OSBPL3: variants seen among roughly 807,000 people sequenced by gnomAD.
OSBPL3 encodes the protein oxysterol binding protein like 3, also known as oxysterol-binding protein-related protein 3.
OSBPL3 carries 65 observed loss-of-function variants against 120.1 expected under a neutral mutation model. That is an observed-to-expected ratio of 0.54 (90% CI 0.44 to 0.67). The LOEUF (loss-of-function observed/expected upper bound fraction) is 0.67. Among genes scored for constraint, OSBPL3 ranks in the 30% least tolerant of loss-of-function variants. The pLI is 0.00. For synonymous variants in OSBPL3, 416 were observed against 402.6 expected (o/e 1.03, Z -0.40); for missense variants, 1,004 against 1,082.1 (o/e 0.93, Z 1.01).
In OSBPL3 at chr7:24,892,371, CTT is replaced by C; in HGVS notation, c.96+4_96+5del. The C allele has an allele frequency of 1.2e-6, 2 of 1,612,688 alleles. No individual in the cohort carries two copies. Among genetic ancestry groups the C allele is most frequent in the Non-Finnish European group, 1.7e-6 (2 of 1,178,924 alleles). On this transcript the variant is annotated splice_donor_5th_base_variant and intron_variant, in intron 2 of 22. Coordinates refer to ENST00000313367, the MANE Select transcript of OSBPL3 (RefSeq NM_015550.4). ...CATATTAAAATTTGCATGAGTTAAA[CTT>C]TACCTGTCGACTTCCTTGCTTGGAA... is the stretch of plus-strand genomic sequence containing the variant.
At chr7:24,886,407 C>T (rs986241015) in intron 2 of OSBPL3, among the ~76,000 whole-genome samples, 1 of 152,200 alleles carries the variant, frequency 6.6e-6, no homozygotes, top group African/African-American at 2.4e-5. Flanking sequence ...CCATCATTTG[C>T]CAGAATAAAA....
At position 24,960,132 on chromosome 7, in the gene OSBPL3, A is replaced by C. The variant is rs115723875; in HGVS notation, c.-150+19754T>G. Among the ~76,000 whole-genome samples the C allele has an allele frequency of 1.1e-3, 165 of 152,282 alleles. 1 individual carries two copies. Among genetic ancestry groups the C allele is most frequent in the African/African-American group, 3.6e-3 (150 of 41,572 alleles). ...TGCCTCAGCACCCAGCTTCCCTCCCAATATTATTTTATAACACTGCACAAC... is the reference window on the plus strand; with the variant it reads ...TGCCTCAGCACCCAGCTTCCCTCCCCATATTATTTTATAACACTGCACAAC... On this transcript the variant is annotated intron_variant, in intron 1 of 22. Coordinates refer to ENST00000313367, the MANE Select transcript of OSBPL3 (RefSeq NM_015550.4).
rs974006651 is a variant in OSBPL3, at chr7:24,898,966, G to A, written c.-149-6345C>T. ...ATAATGACTCACTATAATTTCATGC[G>A]CTGCTCCTAGATTTGCCCTTGGTAA... On this transcript the variant is annotated intron_variant, in intron 1 of 22. Transcript: ENST00000313367. This position sits in a 1 kb window ranked among gnomAD's most constrained non-coding sequence, Gnocchi z 4.3. Among the ~76,000 whole-genome samples, 1 of 152,028 alleles carries A rather than the reference G, an allele frequency of 6.6e-6. No individual in the cohort carries two copies.
rs79856291 is a variant in OSBPL3 at position 24,966,495 on chromosome 7, G to A, written c.-150+13391C>T. 0.032 allele frequency among the ~76,000 whole-genome samples: 4,825 copies of A among 152,256 alleles called. 131 individuals carry two copies. The highest frequency in any genetic ancestry group is 0.051 in the Non-Finnish European group (3,478 of 67,996). ...GCTGGAATGTTATTTTGCCCCACGCGATCAAAGACTAGAAAAACAGGAATT... is the reference window on the plus strand; with the variant it reads ...GCTGGAATGTTATTTTGCCCCACGCAATCAAAGACTAGAAAAACAGGAATT... On this transcript the variant is annotated intron_variant, in intron 1 of 22. Transcript: ENST00000313367. This position sits in a 1 kb window ranked among gnomAD's most constrained non-coding sequence, Gnocchi z 4.8.
intron 14 of OSBPL3, among the ~76,000 whole-genome samples, chr7:24,840,052 A>G (rs1319121208): frequency 6.7e-6 from 1 of 150,046 alleles, no homozygotes; most frequent in Non-Finnish European, 1.5e-5. Flanking sequence ...TATTCCTATA[A>G]TTGGCATACA....
chr7:24,884,075 A>C (rs1186841409), intron 2 of OSBPL3, among the ~76,000 whole-genome samples: 1 of 96,960 alleles, frequency 1.0e-5, no homozygotes, highest in African/African-American at 4.5e-5. Flanking sequence ...AAACAAACAA[A>C]CAACAACAGC....
rs548576574 is a variant in OSBPL3, at chr7:24,899,878, G to A, written c.-149-7257C>T. Among the ~76,000 whole-genome samples, 23 of 152,262 alleles carry A rather than the reference G, an allele frequency of 1.5e-4. No homozygotes were observed. Among genetic ancestry groups the A allele is most frequent in the Non-Finnish European group, 2.9e-4 (20 of 68,032 alleles). On this transcript the variant is annotated intron_variant, in intron 1 of 22. Coordinates refer to ENST00000313367, the MANE Select transcript of OSBPL3 (RefSeq NM_015550.4). The surrounding 1 kb of genome is among the most constrained non-coding windows in gnomAD (Gnocchi z 4.0). ...TGAATCAGAATTTCTATCTAGAGACGGGCCTGATAATCTGCATGTTTAACA... is the reference window on the plus strand; with the variant it reads ...TGAATCAGAATTTCTATCTAGAGACAGGCCTGATAATCTGCATGTTTAACA...
intron 19 of OSBPL3, among the ~76,000 whole-genome samples, chr7:24,812,512 C>A (rs993160796): frequency 3.9e-5 from 6 of 152,086 alleles, no homozygotes; most frequent in African/African-American, 1.2e-4. Flanking sequence ...CAGTTCCACA[C>A]TGCAGCCAGC....
intron 7 of OSBPL3, among the ~76,000 whole-genome samples, chr7:24,865,076 G>A (rs183292197): frequency 1.3e-3 from 203 of 152,230 alleles, no homozygotes; most frequent in African/African-American, 4.5e-3. Flanking sequence ...TGACTTATAG[G>A]CCCATGTGGA....
Position 24,820,043 on chromosome 7 carries a change from C to T in OSBPL3, c.1948+132G>A. The T allele has an allele frequency of 3.4e-6, 2 of 593,216 alleles. No individual in the cohort carries two copies. The highest frequency in any genetic ancestry group is 6.2e-6 in the Non-Finnish European group (2 of 324,290). The allele number at this position is 593,216 out of a possible 1,614,324, so 36.7% of individuals were successfully genotyped here. A position where few individuals can be genotyped will look rare whatever the true frequency, so the allele number is the denominator to read the frequency against. On this transcript the variant is annotated intron_variant, in intron 17 of 22. Coordinates refer to ENST00000313367, the MANE Select transcript of OSBPL3 (RefSeq NM_015550.4). This position sits in a 1 kb window ranked among gnomAD's most constrained non-coding sequence, Gnocchi z 4.6. ...AGATGAGAGGCAAGAACAGGTGGCG[C>T]AGATCCTTCCAACCAGGCCCAAATC...
At chr7:24,875,979 A>C (rs1294080219) in intron 2 of OSBPL3, among the ~76,000 whole-genome samples, 1 of 152,146 alleles carries the variant, frequency 6.6e-6, no homozygotes, top group African/African-American at 2.4e-5. Context: ...CACTTTGAAA[A>C]TTGTAAAGGC....
intron 13 of OSBPL3, among the ~76,000 whole-genome samples, chr7:24,841,685 A>G (rs1584329763): frequency 9.7e-6 from 1 of 103,482 alleles, no homozygotes; most frequent in African/African-American, 4.0e-5. Flanking sequence ...ACAGAATGAG[A>G]CTATGTCTCA....
chr7:24,971,044 T>G (rs1816959373), intron 1 of OSBPL3, among the ~76,000 whole-genome samples: 1 of 152,244 alleles, frequency 6.6e-6, no homozygotes. Context: ...TAGTTATGTA[T>G]AGATTTCATC....
rs136 is a variant in OSBPL3 at position 24,896,479 on chromosome 7, C to T, written c.-149-3858G>A. On this transcript the variant is annotated intron_variant, in intron 1 of 22. Transcript: ENST00000313367. This position sits in a 1 kb window ranked among gnomAD's most constrained non-coding sequence, Gnocchi z 4.4. ...GGGGCTTCCACTAGGAAAAGAGAAC[C>T]CTGATTTCTACCCAGAATGGGGAAG... Among the ~76,000 whole-genome samples the T allele has an allele frequency of 0.27, 40,389 of 152,088 alleles. 5,513 individuals are homozygous for T. Among genetic ancestry groups the T allele is most frequent in the East Asian group, 0.38 (1,976 of 5,174 alleles).
chr7:24,885,436 T>C (rs978908915), intron 2 of OSBPL3, among the ~76,000 whole-genome samples: 1 of 151,970 alleles, frequency 6.6e-6, no homozygotes, highest in Admixed American at 6.6e-5. Flanking sequence ...ATACCCTGCA[T>C]AAATAAGCTC....
In OSBPL3 at chr7:24,834,329, C is replaced by T. The variant is rs753506727; in HGVS notation, c.1746+157G>A. 9.5e-6 allele frequency: 14 copies of T among 1,469,286 alleles called. No individual in the cohort carries two copies. The highest frequency in any genetic ancestry group is 9.0e-5 in the South Asian group (6 of 66,930). The allele number at this position is 1,469,286 out of a possible 1,614,324, so 91.0% of individuals were successfully genotyped here. A position where few individuals can be genotyped will look rare whatever the true frequency, so the allele number is the denominator to read the frequency against. On this transcript the variant is annotated intron_variant, in intron 15 of 22. Transcript: ENST00000313367. This position sits in a 1 kb window ranked among gnomAD's most constrained non-coding sequence, Gnocchi z 5.2. ...CACAAGGTGACTGGAAACAGCCAGG[C>T]GGAGGAAGCCAGACAGCTCTGAGTA... is the stretch of plus-strand genomic sequence containing the variant.
At chr7:24,844,959 T>C (rs1312928952) in intron 12 of OSBPL3, among the ~76,000 whole-genome samples, 1 of 152,180 alleles carries the variant, frequency 6.6e-6, no homozygotes, top group Non-Finnish European at 1.5e-5. Context: ...TGAACTGTAA[T>C]TGATAAATAT....
chr7:24,976,771 A>C (rs567560664), intron 1 of OSBPL3, among the ~76,000 whole-genome samples: 1 of 152,372 alleles, frequency 6.6e-6, no homozygotes, highest in South Asian at 2.1e-4. Context: ...GAATTAACAA[A>C]TAGGAAAATA....
At chr7:24,970,498 C>T (rs1428231079) in intron 1 of OSBPL3, among the ~76,000 whole-genome samples, 3 of 152,158 alleles carry the variant, frequency 2.0e-5, no homozygotes, top group East Asian at 1.9e-4. Context: ...CTCACTCCTC[C>T]TGAGCTCCTA....
Sources: gnomAD v4.1 joint callset for allele counts (sites outside exome capture counted in the v4.1 genomes callset) on GRCh38, gnomAD v4.1.1 for gene constraint, Gnocchi (gnomAD v3.1) non-coding constraint, MANE v1.5 for transcripts, NCBI Gene and HGNC (gene_info 2026-07-23, HGNC 2026-07-21) for gene names.